Variants in SMAD1 observed in about 807,000 individuals in gnomAD.
SMAD1 encodes MAD, mothers against decapentaplegic homolog 1.
SMAD1 carries 6 observed loss-of-function variants against 41.6 expected under a neutral mutation model. The ratio of observed to expected loss-of-function variants is 0.14; its 90% CI spans 0.08 to 0.28. The LOEUF is 0.28. Ranked by LOEUF, SMAD1 falls within the 10% of genes least tolerant of loss-of-function variation. The probability of loss-of-function intolerance (pLI) is 1.00; values close to 1 mark genes in which losing one functional copy is unlikely to be tolerated. For synonymous variants in SMAD1, 206 were observed against 203.2 expected (o/e 1.01, Z -0.12); for missense variants, 379 against 582.6 (o/e 0.65, Z 3.60).
At chr4:145,550,544 G>T (rs552615622) in intron 5 of SMAD1, among the ~76,000 whole-genome samples, 1 of 152,196 alleles carries the variant, frequency 6.6e-6, no homozygotes, top group African/African-American at 2.4e-5. Context: ...TAAAACAAAA[G>T]AGATAAATAA....
intron 1 of SMAD1, among the ~76,000 whole-genome samples, chr4:145,489,606 C>T (rs1429117573): frequency 1.3e-5 from 2 of 152,116 alleles, no homozygotes; most frequent in Non-Finnish European, 2.9e-5. Context: ...AAAGATGTTA[C>T]TTAAGAATAG....
intron 6 of SMAD1, among the ~76,000 whole-genome samples, chr4:145,557,396 T>G (rs1432723965): frequency 6.6e-6 from 1 of 152,264 alleles, no homozygotes; most frequent in Non-Finnish European, 1.5e-5. Flanking sequence ...TGTCATTCTG[T>G]CTAGCATAGC....
At chr4:145,547,859 G>T (rs1010964389) in intron 5 of SMAD1, among the ~76,000 whole-genome samples, 1 of 152,016 alleles carries the variant, frequency 6.6e-6, no homozygotes, top group Admixed American at 6.6e-5. Context: ...GTATGCATGG[G>T]TATGTATATG....
At chr4:145,549,393 AAAGATACCTGTCTACTC>A (rs1732433309) in intron 5 of SMAD1, among the ~76,000 whole-genome samples, 2 of 152,228 alleles carry the variant, frequency 1.3e-5, no homozygotes, top group South Asian at 4.1e-4. Context: ...ATTAGTGTAT[AAAGATACCTGTCTACTC>A]ACCATCTGTC....
chr4:145,525,996 A>G (rs1203949024), intron 2 of SMAD1, among the ~76,000 whole-genome samples: 4 of 152,364 alleles, frequency 2.6e-5, no homozygotes, highest in Middle Eastern at 3.4e-3. Flanking sequence ...ATATTCTGCT[A>G]TATCACTACC....
At position 145,518,489 on chromosome 4, in the gene SMAD1, C is replaced by CA. The variant is rs1182470055; in HGVS notation, c.400+3488dup. Among the ~76,000 whole-genome samples, 192 of 84,038 alleles carry CA rather than the reference C, an allele frequency of 2.3e-3. 19 individuals carry two copies. Among genetic ancestry groups the CA allele is most frequent in the Admixed American group, 4.4e-3 (42 of 9,478 alleles). 55.1% of individuals were successfully genotyped at this position (84,038 alleles called of 152,430 possible). On this transcript the variant is annotated intron_variant, in intron 2 of 6. Coordinates refer to ENST00000302085, the MANE Select transcript of SMAD1 (RefSeq NM_005900.3). ...GGGGGACAAGAGTGAAACTCCATCT[C>CA]AAAAAAAAAAAATAAAAATGTGCAA...
chr4:145,534,918 A>G (rs1235352587), intron 2 of SMAD1, among the ~76,000 whole-genome samples: 1 of 152,220 alleles, frequency 6.6e-6, no homozygotes, highest in African/African-American at 2.4e-5. Flanking sequence ...GTGCCTACCA[A>G]AAAATATACA....
chr4:145,512,925 G>T (rs1730165613), intron 1 of SMAD1, among the ~76,000 whole-genome samples: 1 of 152,170 alleles, frequency 6.6e-6, no homozygotes, highest in South Asian at 2.1e-4. Context: ...TTCTAGATTG[G>T]TTGTAAAGAC....
chr4:145,547,055 TA>T, intron 5 of SMAD1, 131 bp downstream of exon 5: 1 of 736,212 alleles, frequency 1.4e-6, no homozygotes. Flanking sequence ...CTGCAGTTTG[TA>T]AATATTTTTC....
At chr4:145,487,369 C>T (rs1486304709) in intron 1 of SMAD1, among the ~76,000 whole-genome samples, 1 of 152,018 alleles carries the variant, frequency 6.6e-6, no homozygotes, top group African/African-American at 2.4e-5. Flanking sequence ...TGGAAAAAAT[C>T]GGTTTTAAGT....
intron 2 of SMAD1, among the ~76,000 whole-genome samples, chr4:145,519,465 G>A (rs74708742): frequency 0.013 from 1,891 of 150,592 alleles, 36 homozygotes; most frequent in African/African-American, 0.043. Context: ...CCTAGCCTAA[G>A]CAACATAGCA....
intron 2 of SMAD1, among the ~76,000 whole-genome samples, chr4:145,531,172 G>A (rs1731298892): frequency 6.6e-6 from 1 of 152,194 alleles, no homozygotes; most frequent in African/African-American, 2.4e-5. Flanking sequence ...CCTCTATTGA[G>A]GTTCCAAGAA....
intron 1 of SMAD1, among the ~76,000 whole-genome samples, chr4:145,488,866 G>A (rs1728630044): frequency 6.6e-6 from 1 of 152,188 alleles, no homozygotes; most frequent in African/African-American, 2.4e-5. Context: ...CATTATAAGA[G>A]CCGTTACAAG....
At chr4:145,551,521 A>G (rs1315686390) in intron 5 of SMAD1, among the ~76,000 whole-genome samples, 3 of 152,216 alleles carry the variant, frequency 2.0e-5, no homozygotes, top group African/African-American at 7.2e-5. Flanking sequence ...ACAAAGGACT[A>G]ACAGGGAAGC....
intron 1 of SMAD1, among the ~76,000 whole-genome samples, chr4:145,503,221 T>C (rs950329319): frequency 6.6e-6 from 1 of 152,092 alleles, no homozygotes; most frequent in Non-Finnish European, 1.5e-5. Context: ...GATGGAACTT[T>C]ACTTGTGGTG....
chr4:145,496,169 T>G (rs937766161), intron 1 of SMAD1, among the ~76,000 whole-genome samples: 1 of 151,950 alleles, frequency 6.6e-6, no homozygotes, highest in Admixed American at 6.6e-5. Flanking sequence ...AGGAAAGCAA[T>G]AGCAAAAACA....
intron 5 of SMAD1, among the ~76,000 whole-genome samples, chr4:145,547,724 G>A (rs987262049): frequency 1.3e-5 from 2 of 152,188 alleles, no homozygotes; most frequent in Non-Finnish European, 2.9e-5. Context: ...ACATATAAAT[G>A]CGGAGGGGAG....
At chr4:145,490,288 C>T (rs1728704651) in intron 1 of SMAD1, among the ~76,000 whole-genome samples, 1 of 152,042 alleles carries the variant, frequency 6.6e-6, no homozygotes, top group South Asian at 2.1e-4. Flanking sequence ...GAATGGGGTC[C>T]GAGTGAGAAG....
At chr4:145,545,555 TTTTTG>T (rs1467162834) in intron 4 of SMAD1, 16 of 116,464 alleles carry the variant, frequency 1.4e-4, no homozygotes, top group African/African-American at 4.9e-4. Flanking sequence ...CCTTGTTTTT[TTTTTG>T]TGTGTGTGTG....
Sources: allele counts gnomAD v4.1 joint callset (sites outside exome capture counted in the v4.1 genomes callset), GRCh38; gene constraint gnomAD v4.1.1; transcripts MANE v1.5; gene names NCBI Gene and HGNC (gene_info 2026-07-23, HGNC 2026-07-21).